Variants in CENPP observed in about 807,000 individuals in gnomAD.
CENPP encodes centromere protein P.
CENPP carries 24 observed loss-of-function variants against 35.6 expected under a neutral mutation model. The ratio of observed to expected loss-of-function variants is 0.67; its 90% CI spans 0.49 to 0.95. CENPP has a LOEUF of 0.95. Among genes scored for constraint, CENPP ranks in the 40% least tolerant of loss-of-function variants. The pLI, the probability that CENPP is intolerant of heterozygous loss-of-function variation, is 0.00. For synonymous variants in CENPP, 120 were observed against 125.5 expected (o/e 0.96, Z 0.29); for missense variants, 332 against 345.3 (o/e 0.96, Z 0.31).
At chr9:92,514,208 C>T (rs930563214) in intron 5 of CENPP, among the ~76,000 whole-genome samples, 1 of 151,296 alleles carries the variant, frequency 6.6e-6, no homozygotes, top group Non-Finnish European at 1.5e-5. Flanking sequence ...GCCATTCCCC[C>T]ACCTCAGCCT....
intron 5 of CENPP, among the ~76,000 whole-genome samples, chr9:92,573,823 G>T (rs1265120592): frequency 6.6e-6 from 1 of 152,188 alleles, no homozygotes; most frequent in Non-Finnish European, 1.5e-5. Flanking sequence ...CCAGCCTCGC[G>T]GCCGCCTTGC....
chr9:92,589,610 G>A (rs1850621746), intron 5 of CENPP, among the ~76,000 whole-genome samples: 1 of 152,182 alleles, frequency 6.6e-6, no homozygotes, highest in African/African-American at 2.4e-5. Context: ...CCAACAGTAT[G>A]TGAAGTTCCA....
intron 5 of CENPP, among the ~76,000 whole-genome samples, chr9:92,558,045 G>A (rs112001620): frequency 6.6e-6 from 1 of 152,010 alleles, no homozygotes; most frequent in Non-Finnish European, 1.5e-5. Flanking sequence ...TTCACTTCTT[G>A]TATCATTTTT....
At chr9:92,403,287 A>G in intron 5 of CENPP, 1 of 1,610,496 alleles carries the variant, frequency 6.2e-7, no homozygotes, top group Non-Finnish European at 8.5e-7. Flanking sequence ...CTAAATATGG[A>G]TTCTTCAAAA....
intron 5 of CENPP, among the ~76,000 whole-genome samples, chr9:92,491,572 C>A (rs1846172791): frequency 6.6e-6 from 1 of 152,114 alleles, no homozygotes; most frequent in Non-Finnish European, 1.5e-5. Flanking sequence ...ACTGTCCTCT[C>A]CTTGTCTTGC....
At chr9:92,416,095 TTTA>T (rs745312254) in intron 5 of CENPP, among the ~76,000 whole-genome samples, 29 of 138,340 alleles carry the variant, frequency 2.1e-4, no homozygotes, top group Non-Finnish European at 2.8e-4. Flanking sequence ...TATTTATTTA[TTTA>T]TTTTATTTTT....
rs559444141 is a variant in CENPP at position 92,544,213 on chromosome 9, C to T, written c.565-67101C>T. On this transcript the variant is annotated intron_variant, in intron 5 of 7. Coordinates refer to ENST00000375587, the MANE Select transcript of CENPP (RefSeq NM_001012267.3). ...TTATTGGGCTGGGCGTGGTGGCTCA[C>T]GCCTATAATCCCAGCACTTTGGGAG... Among the ~76,000 whole-genome samples the T allele has an allele frequency of 1.2e-3, 185 of 152,340 alleles. 2 individuals carry two copies. Among genetic ancestry groups the T allele is most frequent in the African/African-American group, 4.2e-3 (174 of 41,572 alleles).
At chr9:92,606,051 A>C (rs1176736082) in intron 5 of CENPP, among the ~76,000 whole-genome samples, 3 of 152,120 alleles carry the variant, frequency 2.0e-5, no homozygotes, top group Non-Finnish European at 4.4e-5. Flanking sequence ...CCTTGAGCCC[A>C]AGAGTTCAAG....
intron 5 of CENPP, among the ~76,000 whole-genome samples, chr9:92,551,074 C>T (rs1315255505): frequency 1.3e-5 from 2 of 152,096 alleles, no homozygotes; most frequent in East Asian, 3.9e-4. Context: ...TCCAGGCTAC[C>T]AGATACTCAG....
intron 2 of CENPP, 52 bp downstream of exon 2, chr9:92,332,403 C>A: frequency 1.7e-6 from 2 of 1,190,386 alleles, no homozygotes; most frequent in South Asian, 1.8e-5. Flanking sequence ...CCTTATTATG[C>A]ATAAGAAATT....
chr9:92,508,353 A>C (rs1269858741), intron 5 of CENPP, among the ~76,000 whole-genome samples: 1 of 152,232 alleles, frequency 6.6e-6, no homozygotes, highest in East Asian at 1.9e-4. Flanking sequence ...AGGCAGGCAG[A>C]CAGCCCGTTC....
intron 5 of CENPP, among the ~76,000 whole-genome samples, chr9:92,575,094 T>C (rs1850248169): frequency 6.6e-6 from 1 of 152,174 alleles, no homozygotes; most frequent in African/African-American, 2.4e-5. Flanking sequence ...ATGTAAAACC[T>C]AAAAGTATAA....
At chr9:92,540,720 G>A (rs1301266857) in intron 5 of CENPP, among the ~76,000 whole-genome samples, 4 of 150,470 alleles carry the variant, frequency 2.7e-5, no homozygotes, top group Non-Finnish European at 4.4e-5. Context: ...GTGGGGAGCC[G>A]AGATCACACC....
chr9:92,331,528 A>C (rs925813558), intron 1 of CENPP, among the ~76,000 whole-genome samples: 1 of 152,260 alleles, frequency 6.6e-6, no homozygotes, highest in Admixed American at 6.5e-5. Flanking sequence ...GAGATATATC[A>C]GACATTTAGG....
chr9:92,483,409 T>A (rs1002451155), intron 5 of CENPP, among the ~76,000 whole-genome samples: 1 of 152,124 alleles, frequency 6.6e-6, no homozygotes, highest in Non-Finnish European at 1.5e-5. Flanking sequence ...TTTGGTTTTT[T>A]AATAGAGACA....
Position 92,592,004 on chromosome 9 carries a change from GTAAC to G in CENPP, c.565-19305_565-19302del, listed in dbSNP as rs1346144402. On this transcript the variant is annotated intron_variant, in intron 5 of 7. Coordinates refer to ENST00000375587, the MANE Select transcript of CENPP (RefSeq NM_001012267.3). ...ACCAACATGGCACATGTATACATAT[GTAAC>G]TAACCTGCACATTGTGCACATGTAC... 4.0e-5 allele frequency among the ~76,000 whole-genome samples: 6 copies of G among 151,792 alleles called. No homozygotes were observed. The East Asian group carries it at 7.7e-4, about 20-fold the overall frequency.
intron 5 of CENPP, among the ~76,000 whole-genome samples, chr9:92,590,119 G>A (rs1283866502): frequency 6.6e-6 from 1 of 152,204 alleles, no homozygotes; most frequent in Admixed American, 6.5e-5. Flanking sequence ...GAGGGCACTG[G>A]CAGGCACTGG....
intron 5 of CENPP, among the ~76,000 whole-genome samples, chr9:92,396,385 A>C (rs895101583): frequency 2.6e-5 from 4 of 152,006 alleles, no homozygotes; most frequent in African/African-American, 9.7e-5. Context: ...TAAACAAAAA[A>C]AAAACCTATT....
intron 5 of CENPP, among the ~76,000 whole-genome samples, chr9:92,458,761 G>T (rs1844978724): frequency 6.6e-6 from 1 of 152,216 alleles, no homozygotes; most frequent in South Asian, 2.1e-4. Flanking sequence ...GACTCAAGTT[G>T]TAGTCACTGG....
Sources: allele counts gnomAD v4.1 joint callset (sites outside exome capture counted in the v4.1 genomes callset), GRCh38; gene constraint gnomAD v4.1.1; transcripts MANE v1.5; gene names NCBI Gene and HGNC (gene_info 2026-07-23, HGNC 2026-07-21).